The following FGD4 variants were observed in gnomAD, a reference collection of about 807,000 sequenced individuals.
FGD4 encodes the protein FYVE, RhoGEF and PH domain containing 4, also known as FYVE, RhoGEF and PH domain-containing protein 4.
A neutral mutation model predicts 102.0 loss-of-function variants in FGD4; 42 were observed. The observed-to-expected ratio is 0.41, with a 90% CI of 0.32 to 0.53. The LOEUF (loss-of-function observed/expected upper bound fraction) is 0.53, where lower values mean the gene tolerates loss of function less well. Among genes scored for constraint, FGD4 ranks in the 20% least tolerant of loss-of-function variants. The pLI, the probability that FGD4 is intolerant of heterozygous loss-of-function variation, is 0.21. For missense variants in FGD4, 902 were observed against 1,078.2 expected (o/e 0.84, Z 2.29); for synonymous variants, 380 against 375.7 (o/e 1.01, Z -0.13).
intron 10 of FGD4, among the ~76,000 whole-genome samples, chr12:32,615,770 G>A (rs115009973): frequency 0.013 from 2,017 of 152,094 alleles, 36 homozygotes; most frequent in African/African-American, 0.047. Context: ...AGGAAGGAAT[G>A]GGCAAGACAG....
chr12:32,571,886 A>G (rs928535439), intron 2 of FGD4, among the ~76,000 whole-genome samples: 4 of 152,140 alleles, frequency 2.6e-5, no homozygotes, highest in African/African-American at 4.8e-5. Context: ...GCAGTAAGAA[A>G]GTTCCCAAGA....
Position 32,601,385 on chromosome 12 carries a change from A to C in FGD4, c.1209A>C (p.Lys403Asn), listed in dbSNP as rs1565892663. 2 of 1,614,132 alleles carry C rather than the reference A, an allele frequency of 1.2e-6. No individual in the cohort carries two copies. The highest frequency in any genetic ancestry group is 2.2e-5 in the South Asian group (2 of 91,088). The change falls in exon 6 of 17, where the codon AAA becomes AAC. Residue 403 changes from lysine to asparagine, a missense_variant. This residue lies in a region of FGD4 where 459 missense variants were observed against 619.0 expected (regional missense o/e 0.74). Transcript: ENST00000534526. ...CATCAATAAATGCCTTCCATAGTAAATTCCTCTTGCCAGAGCTGGAGAAAC... is the reference window on the plus strand; with the variant it reads ...CATCAATAAATGCCTTCCATAGTAACTTCCTCTTGCCAGAGCTGGAGAAAC... ...NISSINAFHS[K>N]FLLPELEKRM...
intron 4 of FGD4, among the ~76,000 whole-genome samples, chr12:32,588,674 A>G (rs935979627): frequency 6.6e-6 from 1 of 152,244 alleles, no homozygotes; most frequent in Non-Finnish European, 1.5e-5. Flanking sequence ...AGAGCCAATC[A>G]GAAGTCTTCC....
At chr12:32,632,819 C>T (rs921166104) in intron 14 of FGD4, among the ~76,000 whole-genome samples, 7 of 151,364 alleles carry the variant, frequency 4.6e-5, no homozygotes, top group African/African-American at 1.5e-4. Flanking sequence ...CTGCCCTTCT[C>T]GGCCTCCCAA....
intron 1 of FGD4, among the ~76,000 whole-genome samples, chr12:32,524,524 T>TTA (rs1555194664): frequency 1.6e-4 from 21 of 134,434 alleles, no homozygotes; most frequent in Non-Finnish European, 3.2e-4. Context: ...ATAATTCAAA[T>TTA]AAAAAAAAAA....
Position 32,538,882 on chromosome 12 carries a change from G to A in FGD4, c.167-25255G>A, listed in dbSNP as rs114485628. 8.9e-3 allele frequency among the ~76,000 whole-genome samples: 1,354 copies of A among 152,158 alleles called. 23 individuals carry two copies. The highest frequency in any genetic ancestry group is 0.031 in the African/African-American group (1,268 of 41,522). Reference sequence around the variant, plus strand: ...ATCCTGGCTAACACCGTGAAACTCCGTCTCTAGTAAAGATACAAAAAATCA... The same window carrying A: ...ATCCTGGCTAACACCGTGAAACTCCATCTCTAGTAAAGATACAAAAAATCA... On this transcript the variant is annotated intron_variant, in intron 1 of 16. Coordinates refer to ENST00000534526, the MANE Select transcript of FGD4 (RefSeq NM_001370298.3).
intron 1 of FGD4, among the ~76,000 whole-genome samples, chr12:32,491,918 A>C (rs1276507703): frequency 6.6e-6 from 1 of 152,198 alleles, no homozygotes; most frequent in Non-Finnish European, 1.5e-5. Flanking sequence ...TGTGTTGTCC[A>C]TTTTTAAAAG....
chr12:32,445,242 C>T (rs1007941580), intron 1 of FGD4, among the ~76,000 whole-genome samples: 4 of 152,158 alleles, frequency 2.6e-5, no homozygotes, highest in Non-Finnish European at 5.9e-5. Flanking sequence ...CTAGTCCTTA[C>T]AAGAAAGAAA....
chr12:32,467,018 A>G (rs987761698), intron 1 of FGD4, among the ~76,000 whole-genome samples: 59 of 152,236 alleles, frequency 3.9e-4, no homozygotes, highest in African/African-American at 1.4e-3. Flanking sequence ...TTTATTGCAC[A>G]TATATTTTAT....
At chr12:32,453,200 T>TA (rs1555183324) in intron 1 of FGD4, among the ~76,000 whole-genome samples, 21,368 of 62,050 alleles carry the variant, frequency 0.34, 2,675 homozygotes, top group Non-Finnish European at 0.51. Flanking sequence ...TATATATATA[T>TA]TATATATATA....
intron 1 of FGD4, chr12:32,486,284 G>A (rs1311262298): frequency 1.8e-5 from 16 of 882,704 alleles, no homozygotes; most frequent in Non-Finnish European, 2.6e-5. Context: ...TTTGTACCAC[G>A]ATGGAAAAAT....
chr12:32,582,531 T>C, intron 4 of FGD4, 64 bp downstream of exon 4: 1 of 1,589,624 alleles, frequency 6.3e-7, no homozygotes, highest in Non-Finnish European at 8.5e-7. Context: ...GTCTTAAAAC[T>C]CTTTATTTAT....
At chr12:32,518,758 A>G (rs1940169650) in intron 1 of FGD4, among the ~76,000 whole-genome samples, 1 of 151,948 alleles carries the variant, frequency 6.6e-6, no homozygotes, top group African/African-American at 2.4e-5. Flanking sequence ...AAGCTATTTA[A>G]TGGCACGATA....
Position 32,544,281 on chromosome 12 carries a change from T to C in FGD4, c.167-19856T>C, listed in dbSNP as rs1314491045. Among the ~76,000 whole-genome samples the C allele has an allele frequency of 6.6e-6, 1 of 151,804 alleles. No individual in the cohort carries two copies. On this transcript the variant is annotated intron_variant, in intron 1 of 16. Transcript: ENST00000534526. The surrounding 1 kb of genome is among the most constrained non-coding windows in gnomAD (Gnocchi z 4.1). The stretch of plus-strand genomic sequence containing the variant: ...AATGTCTCTACAAAAAATGCAAAAA[T>C]GAGCTGGGCGTGGTGGTGGGTACCT...
At position 32,643,670 on chromosome 12, in the gene FGD4, T is replaced by C. The variant is rs74374582; in HGVS notation, c.*3137T>C. 1 of 64,948 alleles carries C rather than the reference T, an allele frequency of 1.5e-5. No homozygotes were observed. Among genetic ancestry groups the C allele is most frequent in the African/African-American group, 6.2e-5 (1 of 16,162 alleles). 4.0% of individuals were successfully genotyped at this position (64,948 alleles called of 1,614,324 possible). A position where few individuals can be genotyped will look rare whatever the true frequency, so the allele number is the denominator to read the frequency against. ...ATATATATATACGCACACGTTTGGA[T>C]TTTTTTTTTTTAAGAACACTTGTTC... On this transcript the variant is annotated 3_prime_UTR_variant, in exon 17 of 17. Coordinates refer to ENST00000534526, the MANE Select transcript of FGD4 (RefSeq NM_001370298.3).
chr12:32,498,000 G>T (rs1401354383), intron 1 of FGD4, among the ~76,000 whole-genome samples: 4 of 152,140 alleles, frequency 2.6e-5, no homozygotes, highest in Non-Finnish European at 5.9e-5. Flanking sequence ...CTCTAAGCCA[G>T]CATCCTCCTT....
intron 1 of FGD4, among the ~76,000 whole-genome samples, chr12:32,545,914 G>A (rs1368908115): frequency 1.3e-5 from 2 of 152,156 alleles, no homozygotes; most frequent in South Asian, 2.1e-4. Flanking sequence ...TTCTTCAAGC[G>A]AATTAAAGAT....
At chr12:32,451,171 A>C (rs1376930227) in intron 1 of FGD4, among the ~76,000 whole-genome samples, 1 of 152,192 alleles carries the variant, frequency 6.6e-6, no homozygotes, top group African/African-American at 2.4e-5. Context: ...CAGTCCTTCT[A>C]TCTAATTAAT....
chr12:32,537,463 A>T lies in FGD4; in HGVS notation c.167-26674A>T, dbSNP rs979306437. On this transcript the variant is annotated intron_variant, in intron 1 of 16. Transcript: ENST00000534526. ...TAACAGCCTGTGTGCACCTCTAAAA[A>T]CGGAGGGCAGATAATTGCCACTTCT... is the stretch of plus-strand genomic sequence containing the variant. 5.9e-5 allele frequency among the ~76,000 whole-genome samples: 9 copies of T among 152,246 alleles called. No individual in the cohort carries two copies. In the South Asian group the frequency reaches 6.2e-4, roughly 11 times the overall value.
Sources: allele counts gnomAD v4.1 joint callset (sites outside exome capture counted in the v4.1 genomes callset), GRCh38; gene constraint gnomAD v4.1.1; regional missense constraint gnomAD v4.1.1; non-coding constraint Gnocchi (gnomAD v3.1); transcripts MANE v1.5; gene names NCBI Gene and HGNC (gene_info 2026-07-23, HGNC 2026-07-21).